Variants in ATP6V1B2 observed in about 807,000 individuals in gnomAD.
ATP6V1B2 encodes V-type proton ATPase subunit B, brain isoform.
In ATP6V1B2, 23 loss-of-function variants were observed where a neutral mutation model predicts 66.7. That is an observed-to-expected ratio of 0.34 (90% CI 0.25 to 0.49). The LOEUF (loss-of-function observed/expected upper bound fraction) is 0.49. Among genes scored for constraint, ATP6V1B2 ranks in the 20% least tolerant of loss-of-function variants. The pLI is 0.99. For missense variants in ATP6V1B2, 478 were observed against 650.8 expected (o/e 0.73, Z 2.89); for synonymous variants, 278 against 236.7 (o/e 1.17, Z -1.60).
intron 1 of ATP6V1B2, 95 bp downstream of exon 1, chr8:20,197,637 T>C: frequency 3.1e-6 from 4 of 1,272,046 alleles, no homozygotes; most frequent in Non-Finnish European, 4.0e-6. Context: ...GGGGGTAGGA[T>C]TTGTTTTTCC....
chr8:20,211,494 A>G, intron 6 of ATP6V1B2, 158 bp from the exon 7 acceptor site: 1 of 1,270,464 alleles, frequency 7.9e-7, no homozygotes, highest in Non-Finnish European at 1.1e-6. Context: ...ACCCTTGCAT[A>G]TCTTTGCAAA....
At chr8:20,203,854 C>A in intron 1 of ATP6V1B2, 1 of 376,894 alleles carries the variant, frequency 2.7e-6, no homozygotes, top group Non-Finnish European at 5.1e-6. Flanking sequence ...CTTTTCTTAT[C>A]TTGTTTGACC....
intron 1 of ATP6V1B2, among the ~76,000 whole-genome samples, chr8:20,199,838 T>C (rs1035892170): frequency 9.2e-5 from 14 of 152,236 alleles, no homozygotes; most frequent in Admixed American, 2.0e-4. Context: ...GGCGAACTCC[T>C]GAGCTCAGGC....
At chr8:20,210,678 G>A (rs369826161) in intron 5 of ATP6V1B2, 32 bp downstream of exon 5, 1 of 1,586,790 alleles carries the variant, frequency 6.3e-7, no homozygotes, top group African/African-American at 1.3e-5. Context: ...CTGTGTTTGG[G>A]AGAAAATAAC....
intron 1 of ATP6V1B2, among the ~76,000 whole-genome samples, chr8:20,199,826 G>A (rs1475765828): frequency 6.6e-6 from 1 of 152,042 alleles, no homozygotes; most frequent in African/African-American, 2.4e-5. Flanking sequence ...TCCCAGGCTG[G>A]TGGCGAACTC....
chr8:20,218,551 T>A (rs898983164), intron 13 of ATP6V1B2, among the ~76,000 whole-genome samples: 2 of 152,094 alleles, frequency 1.3e-5, no homozygotes, highest in Non-Finnish European at 2.9e-5. Context: ...TCCCAGCCCC[T>A]CTGCGGTACA....
chr8:20,209,642 A>T, intron 3 of ATP6V1B2, 111 bp downstream of exon 3: 2 of 1,036,114 alleles, frequency 1.9e-6, no homozygotes, highest in South Asian at 2.9e-5. Context: ...GTCTTTAGAG[A>T]TTGGTTACCG....
chr8:20,200,207 G>A (rs942006838), intron 1 of ATP6V1B2, among the ~76,000 whole-genome samples: 2 of 151,710 alleles, frequency 1.3e-5, no homozygotes, highest in Admixed American at 1.3e-4. Context: ...TGGTAGAGAT[G>A]GGATTTCCCC....
At chr8:20,211,908 G>T (rs543687429) in intron 7 of ATP6V1B2, among the ~76,000 whole-genome samples, 155 bp downstream of exon 7, 3 of 152,146 alleles carry the variant, frequency 2.0e-5, no homozygotes, top group Non-Finnish European at 2.9e-5. Context: ...TTTGGCATTT[G>T]ACTAATTTGA....
chr8:20,211,090 C>T, intron 5 of ATP6V1B2, 87 bp from the exon 6 acceptor site: 3 of 1,521,316 alleles, frequency 2.0e-6, no homozygotes, highest in Admixed American at 4.6e-5. Flanking sequence ...GGTGCTTTTT[C>T]TTTTCTTTTA....
At chr8:20,200,876 G>A (rs997837403) in intron 1 of ATP6V1B2, among the ~76,000 whole-genome samples, 2 of 152,188 alleles carry the variant, frequency 1.3e-5, no homozygotes, top group African/African-American at 4.8e-5. Flanking sequence ...AAGGGAAGAT[G>A]ATTGCTCTGG....
chr8:20,218,789 AC>A (rs552017040), intron 13 of ATP6V1B2, among the ~76,000 whole-genome samples: 104 of 152,140 alleles, frequency 6.8e-4, no homozygotes, highest in South Asian at 1.5e-3. Flanking sequence ...GTGGACCTTT[AC>A]CCACTGTCCA....
chr8:20,218,975 C>G (rs1212509134), intron 13 of ATP6V1B2, among the ~76,000 whole-genome samples: 1 of 151,486 alleles, frequency 6.6e-6, no homozygotes, highest in Non-Finnish European at 1.5e-5. Flanking sequence ...TTAACTCAAG[C>G]TCAGTAACTG....
At chr8:20,206,081 A>G (rs1236862230) in intron 2 of ATP6V1B2, among the ~76,000 whole-genome samples, 1 of 152,246 alleles carries the variant, frequency 6.6e-6, no homozygotes, top group Non-Finnish European at 1.5e-5. Flanking sequence ...CTTAGTGAGT[A>G]TCTACCACAA....
At chr8:20,200,841 A>G (rs564029610) in intron 1 of ATP6V1B2, among the ~76,000 whole-genome samples, 32 of 152,294 alleles carry the variant, frequency 2.1e-4, no homozygotes, top group African/African-American at 7.7e-4. Context: ...ACTGCTCATC[A>G]TGCAGATCTC....
In ATP6V1B2 at chr8:20,211,649, C is replaced by G; in HGVS notation, c.604-3C>G. On this transcript the variant is annotated splice_polypyrimidine_tract_variant and splice_region_variant and intron_variant, in intron 6 of 13. Coordinates refer to ENST00000276390, the MANE Select transcript of ATP6V1B2 (RefSeq NM_001693.4). ...AACTGAATTCTTCTACTTTGTTCAT[C>G]AGATTGCAGCTCAGATCTGTCGCCA... 1 of 1,603,448 alleles carries G rather than the reference C, an allele frequency of 6.2e-7. No individual in the cohort carries two copies. The highest frequency in any genetic ancestry group is 8.5e-7 in the Non-Finnish European group (1 of 1,177,064).
At chr8:20,210,470 A>T (rs993707981) in intron 4 of ATP6V1B2, 31 bp downstream of exon 4, 1 of 1,608,820 alleles carries the variant, frequency 6.2e-7, no homozygotes, top group Non-Finnish European at 8.5e-7. Flanking sequence ...CTAAGCCGAG[A>T]TCTGTTTCCT....
Position 20,197,386 on chromosome 8 carries a change from A to G in ATP6V1B2, c.-21A>G, listed in dbSNP as rs1275843473. 3 of 1,502,500 alleles carry G rather than the reference A, an allele frequency of 2.0e-6. No homozygotes were observed. Among genetic ancestry groups the G allele is most frequent in the South Asian group, 2.5e-5 (2 of 79,304 alleles). 93.1% of individuals were successfully genotyped at this position (1,502,500 alleles called of 1,614,324 possible). A position where few individuals can be genotyped will look rare whatever the true frequency, so the allele number is the denominator to read the frequency against. ...GCGTGCGCGGCGTCGCTGCTGGGCC[A>G]GTCGGGACAGAGGAGACAAGATGGC... is the stretch of plus-strand genomic sequence containing the variant. On this transcript the variant is annotated 5_prime_UTR_variant, in exon 1 of 14. Coordinates refer to ENST00000276390, the MANE Select transcript of ATP6V1B2 (RefSeq NM_001693.4).
chr8:20,210,733 G>C, intron 5 of ATP6V1B2, 87 bp downstream of exon 5: 1 of 1,131,698 alleles, frequency 8.8e-7, no homozygotes, highest in Non-Finnish European at 1.3e-6. Flanking sequence ...TGTTTTTTGT[G>C]ATATCACTTA....
Sources: gnomAD v4.1 joint callset for allele counts (sites outside exome capture counted in the v4.1 genomes callset) on GRCh38, gnomAD v4.1.1 for gene constraint, MANE v1.5 for transcripts, NCBI Gene and HGNC (gene_info 2026-07-23, HGNC 2026-07-21) for gene names.